IL1RAPL2: variants seen among roughly 807,000 people sequenced by gnomAD.
IL1RAPL2 encodes the protein X-linked interleukin-1 receptor accessory protein-like 2.
IL1RAPL2 carries 3 observed loss-of-function variants against 44.1 expected under a neutral mutation model. That is an observed-to-expected ratio of 0.07 (90% CI 0.03 to 0.18). The LOEUF (loss-of-function observed/expected upper bound fraction) is 0.18. Among genes scored for constraint, IL1RAPL2 ranks in the 10% least tolerant of loss-of-function variants. The probability of loss-of-function intolerance (pLI) is 1.00; values close to 1 mark genes in which losing one functional copy is unlikely to be tolerated. For missense variants in IL1RAPL2, 391 were observed against 496.4 expected (o/e 0.79, Z 2.02); for synonymous variants, 181 against 178.8 (o/e 1.01, Z -0.10).
At chrX:105,576,561 T>G (rs6621985) in intron 6 of IL1RAPL2, among the ~76,000 whole-genome samples, 36,254 of 110,105 alleles carry the variant, frequency 0.33, 4,511 homozygotes, top group Middle Eastern at 0.4. Context: ...GGTCACCTTG[T>G]GGGTATTCAG....
intron 7 of IL1RAPL2, among the ~76,000 whole-genome samples, chrX:105,738,985 C>G (rs2038473178): frequency 1.8e-5 from 2 of 111,036 alleles, no homozygotes; most frequent in Non-Finnish European, 3.8e-5. Flanking sequence ...GAGCACATTA[C>G]TGCATTGGAC....
At chrX:105,674,775 G>A (rs988697672) in intron 6 of IL1RAPL2, among the ~76,000 whole-genome samples, 7 of 111,635 alleles carry the variant, frequency 6.3e-5, no homozygotes, top group Non-Finnish European at 1.1e-4. Flanking sequence ...CATGATATTG[G>A]TTCTTCCTAT....
At chrX:104,927,815 C>T (rs1357791899) in intron 2 of IL1RAPL2, among the ~76,000 whole-genome samples, 2 of 111,344 alleles carry the variant, frequency 1.8e-5, no homozygotes, top group Non-Finnish European at 3.8e-5. Flanking sequence ...GTTTTGTTTT[C>T]TATTACCTTT....
At chrX:104,662,218 C>T (rs369363489) in intron 2 of IL1RAPL2, among the ~76,000 whole-genome samples, 1 of 112,174 alleles carries the variant, frequency 8.9e-6, no homozygotes, top group African/African-American at 3.2e-5. Context: ...GAGGTGATAG[C>T]ACAGGCTATG....
chrX:104,636,912 A>T (rs1213645074), intron 1 of IL1RAPL2, among the ~76,000 whole-genome samples: 2 of 111,065 alleles, frequency 1.8e-5, no homozygotes, highest in African/African-American at 3.3e-5. Flanking sequence ...GAAATGCAGA[A>T]ATCTCCCCTC....
intron 3 of IL1RAPL2, among the ~76,000 whole-genome samples, chrX:105,197,649 T>G (rs2033682961): frequency 8.9e-6 from 1 of 111,845 alleles, no homozygotes; most frequent in South Asian, 3.7e-4. Flanking sequence ...CTGACATGGC[T>G]ATTTTCTCCT....
At chrX:105,491,211 TTTTA>T (rs1384762560) in intron 6 of IL1RAPL2, among the ~76,000 whole-genome samples, 4 of 111,280 alleles carry the variant, frequency 3.6e-5, no homozygotes, top group African/African-American at 1.3e-4. Flanking sequence ...ATTTTTTTAT[TTTTA>T]TTTTTTTTTA....
At chrX:105,484,409 A>C in intron 6 of IL1RAPL2, 22 bp downstream of exon 6, 2 of 1,084,249 alleles carry the variant, frequency 1.8e-6, no homozygotes, top group Admixed American at 4.4e-5. Flanking sequence ...CCTTGGAATA[A>C]CACTTCCTAA....
rs761095363 is a variant in IL1RAPL2 at position 104,949,882 on chromosome X, A to T, written c.83-245593A>T. Among the ~76,000 whole-genome samples, 5 of 111,343 alleles carry T rather than the reference A, an allele frequency of 4.5e-5. No individual in the cohort carries two copies. In the South Asian group the frequency reaches 1.9e-3, roughly 43 times the overall value. ...AATAGGTGTGGTGTGGTGCTGAAAA[A>T]AATGTATATTCTGTTTTTTTGGGGT... is the stretch of plus-strand genomic sequence containing the variant. On this transcript the variant is annotated intron_variant, in intron 2 of 10. Coordinates refer to ENST00000372582, the MANE Select transcript of IL1RAPL2 (RefSeq NM_017416.2).
chrX:104,641,786 G>A, intron 1 of IL1RAPL2, among the ~76,000 whole-genome samples: 1 of 111,828 alleles, frequency 8.9e-6, no homozygotes, highest in Non-Finnish European at 1.9e-5. Context: ...TTGCTCCTCA[G>A]TCACAGCACT....
chrX:104,785,558 T>G lies in IL1RAPL2; in HGVS notation c.82+126563T>G, dbSNP rs1370095559. On this transcript the variant is annotated intron_variant, in intron 2 of 10. Coordinates refer to ENST00000372582, the MANE Select transcript of IL1RAPL2 (RefSeq NM_017416.2). ...TCTCCCTCCTTATTCAGAGTCTTCC[T>G]TCTGCCCTCAGTTTTCTGACCTTGC... Among the ~76,000 whole-genome samples, 4 of 111,541 alleles carry G rather than the reference T, an allele frequency of 3.6e-5. No homozygotes were observed. The South Asian group carries it at 1.5e-3, about 43-fold the overall frequency.
At chrX:105,274,269 G>T (rs181494958) in intron 5 of IL1RAPL2, among the ~76,000 whole-genome samples, 3 of 111,879 alleles carry the variant, frequency 2.7e-5, no homozygotes, top group African/African-American at 6.5e-5. Flanking sequence ...GCCAATAATT[G>T]AATCTGCATG....
At chrX:104,569,860 G>A (rs952866822) in intron 1 of IL1RAPL2, among the ~76,000 whole-genome samples, 2 of 112,366 alleles carry the variant, frequency 1.8e-5, no homozygotes, top group African/African-American at 6.5e-5. Context: ...TCATCACGAT[G>A]TGATGTGAGG....
At chrX:104,576,655 C>T (rs966567130) in intron 1 of IL1RAPL2, among the ~76,000 whole-genome samples, 27 of 111,924 alleles carry the variant, frequency 2.4e-4, no homozygotes, top group African/African-American at 6.8e-4. Flanking sequence ...AATTATTTCC[C>T]AATTGAACCT....
At chrX:105,585,109 T>C (rs1315447512) in intron 6 of IL1RAPL2, among the ~76,000 whole-genome samples, 1 of 110,743 alleles carries the variant, frequency 9.0e-6, no homozygotes, top group African/African-American at 3.3e-5. Flanking sequence ...CTCCTGTCTT[T>C]CCTCATGTTC....
intron 6 of IL1RAPL2, among the ~76,000 whole-genome samples, chrX:105,577,073 A>G (rs1390718914): frequency 6.3e-5 from 7 of 111,585 alleles, no homozygotes; most frequent in Non-Finnish European, 1.1e-4. Context: ...CTTATCCACA[A>G]GACATGCAAG....
At chrX:104,798,529 G>C (rs1487634360) in intron 2 of IL1RAPL2, among the ~76,000 whole-genome samples, 1 of 110,401 alleles carries the variant, frequency 9.1e-6, no homozygotes, top group Admixed American at 9.6e-5. Context: ...AGCCAGGCGT[G>C]GTGGCAGGTG....
chrX:104,908,455 C>T (rs1045728717), intron 2 of IL1RAPL2, among the ~76,000 whole-genome samples: 28 of 111,450 alleles, frequency 2.5e-4, no homozygotes, highest in African/African-American at 7.5e-4. Context: ...TTGTTCCTTT[C>T]CATGTTTAGC....
chrX:105,721,027 A>G (rs148230857), intron 7 of IL1RAPL2, among the ~76,000 whole-genome samples: 75 of 111,390 alleles, frequency 6.7e-4, no homozygotes, highest in African/African-American at 2.3e-3. Context: ...AGCTTTCTTC[A>G]TAATCGTCCA....
Sources: allele counts gnomAD v4.1 joint callset (sites outside exome capture counted in the v4.1 genomes callset), GRCh38; gene constraint gnomAD v4.1.1; transcripts MANE v1.5; gene names NCBI Gene and HGNC (gene_info 2026-07-23, HGNC 2026-07-21).